JMY: variants seen among roughly 807,000 people sequenced by gnomAD.
JMY encodes junction-mediating and -regulatory protein.
JMY carries 46 observed loss-of-function variants against 103.3 expected under a neutral mutation model. The observed-to-expected ratio is 0.45, with a 90% CI of 0.35 to 0.57. The LOEUF is 0.57. JMY is among the 20% of genes least tolerant of loss of function. The pLI is 0.00. For missense variants in JMY, 1,238 were observed against 1,255.2 expected, an observed-to-expected ratio of 0.99 and a Z score of 0.21; for synonymous variants, 526 against 489.3, an observed-to-expected ratio of 1.07 and a Z score of -0.99.
intron 4 of JMY, among the ~76,000 whole-genome samples, chr5:79,292,998 A>C (rs1212998034): frequency 6.6e-6 from 1 of 152,204 alleles, no homozygotes; most frequent in Non-Finnish European, 1.5e-5. Context: ...CATTAATTTA[A>C]CATGCCCACA....
chr5:79,263,736 C>G (rs1745495243), intron 1 of JMY, among the ~76,000 whole-genome samples: 1 of 151,926 alleles, frequency 6.6e-6, no homozygotes, highest in Non-Finnish European at 1.5e-5. Context: ...TACACCGGTG[C>G]AATCATGGCT....
At position 79,239,911 on chromosome 5, in the gene JMY, T is replaced by C. The variant is rs566720063; in HGVS notation, c.1032+2229T>C. 5.2e-3 allele frequency among the ~76,000 whole-genome samples: 795 copies of C among 152,202 alleles called. 5 individuals are homozygous for C. The highest frequency in any genetic ancestry group is 8.8e-3 in the Non-Finnish European group (601 of 67,992). ...TAAGCTCTCAAAAAATATAATTTTC[T>C]AGAACTCTTTAAAAAGGGGATTACA... is the stretch of plus-strand genomic sequence containing the variant. On this transcript the variant is annotated intron_variant, in intron 1 of 10. Transcript: ENST00000396137.
At position 79,304,080 on chromosome 5, in the gene JMY, A is replaced by G. The variant is rs114339714; in HGVS notation, c.1882-2295A>G. Among the ~76,000 whole-genome samples the G allele has an allele frequency of 4.6e-3, 702 of 152,270 alleles. 6 individuals are homozygous for G. The highest frequency in any genetic ancestry group is 0.016 in the African/African-American group (673 of 41,556). On this transcript the variant is annotated intron_variant, in intron 6 of 10. Transcript: ENST00000396137. ...AGTGTTAGCTCATAGCAATTTAATC[A>G]GTATTCTTCAGTCTTCATTTCTGTG...
At chr5:79,243,624 C>G (rs1389595481) in intron 1 of JMY, among the ~76,000 whole-genome samples, 2 of 152,102 alleles carry the variant, frequency 1.3e-5, no homozygotes, top group African/African-American at 2.4e-5. Flanking sequence ...ATGTTATACT[C>G]CCATGAAAAT....
intron 6 of JMY, among the ~76,000 whole-genome samples, chr5:79,304,889 A>C (rs1746834746): frequency 6.6e-6 from 1 of 152,202 alleles, no homozygotes; most frequent in South Asian, 2.1e-4. Context: ...CGCTTCTGGT[A>C]GTGACATAAA....
chr5:79,275,451 G>A (rs1285006262), intron 1 of JMY, among the ~76,000 whole-genome samples: 1 of 152,114 alleles, frequency 6.6e-6, no homozygotes, highest in Non-Finnish European at 1.5e-5. Context: ...GTGAGCCACC[G>A]TGCCTGGCAA....
intron 2 of JMY, among the ~76,000 whole-genome samples, chr5:79,280,854 AT>A (rs35313155): frequency 0.6 from 88,541 of 146,994 alleles, 26,559 homozygotes; most frequent in Non-Finnish European, 0.64. Flanking sequence ...GATTCCAAAG[AT>A]TTTTTTTTTT....
intron 6 of JMY, 114 bp from the exon 7 acceptor site, chr5:79,306,261 A>G (rs576967454): frequency 1.7e-5 from 12 of 695,318 alleles, no homozygotes; most frequent in South Asian, 5.5e-5. Flanking sequence ...GAGGTGGTCA[A>G]TGTGATACTT....
At position 79,316,341 on chromosome 5, in the gene JMY, C is replaced by G. The variant is rs373258719; in HGVS notation, c.*3+31C>G. On this transcript the variant is annotated intron_variant, in intron 10 of 10. Coordinates refer to ENST00000396137, the MANE Select transcript of JMY (RefSeq NM_152405.5). The stretch of plus-strand genomic sequence containing the variant: ...CGGCCTTATTGTCTTTAGTAGCATT[C>G]AGTAATACAGGTTTTATATCGGATG... 2.4e-5 allele frequency: 36 copies of G among 1,491,040 alleles called. No individual in the cohort carries two copies. The African/African-American group carries it at 4.8e-4, about 20-fold the overall frequency. The allele number at this position is 1,491,040 out of a possible 1,614,324, so 92.4% of individuals were successfully genotyped here. A position where few individuals can be genotyped will look rare whatever the true frequency, so the allele number is the denominator to read the frequency against.
At chr5:79,313,679 C>A (rs1455508133) in intron 8 of JMY, among the ~76,000 whole-genome samples, 3 of 152,000 alleles carry the variant, frequency 2.0e-5, no homozygotes, top group African/African-American at 7.2e-5. Context: ...ATTTTACATG[C>A]TATTTGTTTT....
At position 79,324,919 on chromosome 5, in the gene JMY, C is replaced by A. The variant is rs983980737; in HGVS notation, c.*3317C>A. ...TATGTAATAAGGAAAAAAATTGTTT[C>A]CACAAAGTTGAACTATGTAGTAATA... On this transcript the variant is annotated 3_prime_UTR_variant, in exon 11 of 11. Coordinates refer to ENST00000396137, the MANE Select transcript of JMY (RefSeq NM_152405.5). 6.6e-6 allele frequency: 1 copy of A among 152,592 alleles called. No individual in the cohort carries two copies. The highest frequency in any genetic ancestry group is 1.5e-5 in the Non-Finnish European group (1 of 68,010). 9.5% of individuals were successfully genotyped at this position (152,592 alleles called of 1,614,324 possible).
At position 79,314,516 on chromosome 5, in the gene JMY, GTGT is replaced by G; in HGVS notation, c.2326_2328del (p.Val776del). 3.7e-6 allele frequency: 6 copies of G among 1,614,104 alleles called. No individual in the cohort carries two copies. Among genetic ancestry groups the G allele is most frequent in the Non-Finnish European group, 5.1e-6 (6 of 1,179,992 alleles). On this transcript the variant is annotated inframe_deletion, in exon 9 of 11. Coordinates refer to ENST00000396137, the MANE Select transcript of JMY (RefSeq NM_152405.5). ...GAAGCCACCTCATTACCTCTCAGTGGTGTTACCTCTGAACTGCCTCCCACTATA... is the reference window on the plus strand; with the variant it reads ...GAAGCCACCTCATTACCTCTCAGTGGTACCTCTGAACTGCCTCCCACTATA...
Position 79,270,461 on chromosome 5 carries a change from T to C in JMY, c.1033-7449T>C, listed in dbSNP as rs1580344249. The stretch of plus-strand genomic sequence containing the variant: ...TTTAAAATATATATTTACATAAATA[T>C]TTAAAATGTATATTTACATAAATAT... On this transcript the variant is annotated intron_variant, in intron 1 of 10. Transcript: ENST00000396137. Among the ~76,000 whole-genome samples, 3 of 108,066 alleles carry C rather than the reference T, an allele frequency of 2.8e-5. 1 individual carries two copies. The highest frequency in any genetic ancestry group is 1.1e-4 in the Admixed American group (1 of 9,350). The allele number at this position is 108,066 out of a possible 152,430, so 70.9% of individuals were successfully genotyped here. A position where few individuals can be genotyped will look rare whatever the true frequency, so the allele number is the denominator to read the frequency against.
At chr5:79,305,264 A>C (rs961508206) in intron 6 of JMY, among the ~76,000 whole-genome samples, 1 of 152,154 alleles carries the variant, frequency 6.6e-6, no homozygotes, top group Non-Finnish European at 1.5e-5. Context: ...AATCTGGCCA[A>C]CATGGTGAAA....
At chr5:79,277,107 A>AAAG (rs1745964230) in intron 1 of JMY, among the ~76,000 whole-genome samples, 1 of 152,114 alleles carries the variant, frequency 6.6e-6, no homozygotes, top group Admixed American at 6.5e-5. Flanking sequence ...TTTGTCTCTA[A>AAAG]AAGAACCATG....
intron 2 of JMY, among the ~76,000 whole-genome samples, chr5:79,288,860 C>T (rs755318131): frequency 6.6e-6 from 1 of 152,064 alleles, no homozygotes; most frequent in Non-Finnish European, 1.5e-5. Context: ...CGTGACTCAG[C>T]TCCCAAGCTT....
chr5:79,270,385 ACAT>A (rs1258658092), intron 1 of JMY, among the ~76,000 whole-genome samples: 12 of 117,358 alleles, frequency 1.0e-4, no homozygotes, highest in African/African-American at 1.8e-4. Flanking sequence ...ATAAATATTT[ACAT>A]AAAATATATA....
intron 2 of JMY, among the ~76,000 whole-genome samples, chr5:79,279,521 A>G (rs1230037949): frequency 6.6e-6 from 1 of 152,188 alleles, no homozygotes; most frequent in Non-Finnish European, 1.5e-5. Flanking sequence ...ATTATGTAAG[A>G]TTGAGTATTT....
intron 1 of JMY, among the ~76,000 whole-genome samples, chr5:79,277,359 G>T (rs1243816388): frequency 6.6e-6 from 1 of 151,906 alleles, no homozygotes; most frequent in Non-Finnish European, 1.5e-5. Context: ...GGGTCCAGTG[G>T]CTCACGCCTG....
Sources: gnomAD v4.1 joint callset for allele counts (sites outside exome capture counted in the v4.1 genomes callset) on GRCh38, gnomAD v4.1.1 for gene constraint, MANE v1.5 for transcripts, NCBI Gene and HGNC (gene_info 2026-07-23, HGNC 2026-07-21) for gene names.